ZNF682: variants seen among roughly 807,000 people sequenced by gnomAD.
ZNF682 encodes the protein zinc finger protein 682.
A neutral mutation model predicts 36.5 loss-of-function variants in ZNF682; 29 were observed. The ratio of observed to expected loss-of-function variants is 0.80; its 90% CI spans 0.59 to 1.08. ZNF682 has a LOEUF of 1.08. ZNF682 is among the 50% of genes least tolerant of loss of function. The pLI, the probability that ZNF682 is intolerant of heterozygous loss-of-function variation, is 0.00. For synonymous variants in ZNF682, 180 were observed against 197.0 expected (o/e 0.91, Z 0.72); for missense variants, 561 against 579.7 (o/e 0.97, Z 0.33).
intron 1 of ZNF682, among the ~76,000 whole-genome samples, chr19:20,036,689 G>A (rs1037704098): frequency 2.0e-5 from 3 of 151,180 alleles, no homozygotes; most frequent in East Asian, 1.9e-4. Flanking sequence ...TTTCTAGGCC[G>A]GGCATGGTGG....
At position 20,006,481 on chromosome 19, in the gene ZNF682, A is replaced by G. The variant is rs2088221342; in HGVS notation, c.1021T>C (p.Tyr341His). Residue 341 changes from tyrosine (Y) to histidine (H), a missense_variant, in exon 4 of 4, where the codon TAT (tyrosine) becomes CAT (histidine). Physicochemically the swap from Tyr to His is moderately conservative, Grantham distance 83. Transcript: ENST00000397165. ...HERTHTGEKP[Y>H]KCEECGKAFN... ...GCTTTGCCACATTCTTCACATTTAT[A>G]GGGTTTCTCTCCCGTATGGGTTCTC... 1 of 1,614,078 alleles carries G rather than the reference A, an allele frequency of 6.2e-7. No individual in the cohort carries two copies. Among genetic ancestry groups the G allele is most frequent in the Non-Finnish European group, 8.5e-7 (1 of 1,180,012 alleles).
At chr19:20,012,862 CAT>C (rs1201473782) in intron 3 of ZNF682, among the ~76,000 whole-genome samples, 2 of 146,804 alleles carry the variant, frequency 1.4e-5, no homozygotes, top group Non-Finnish European at 3.0e-5. Flanking sequence ...TCTCAAAAGA[CAT>C]AAAAGCAGCC....
chr19:20,006,298 A>G lies in ZNF682; in HGVS notation c.1204T>C (p.Cys402Arg), dbSNP rs773132670. 2.5e-6 allele frequency: 4 copies of G among 1,613,632 alleles called. No homozygotes were observed. Among genetic ancestry groups the G allele is most frequent in the Non-Finnish European group, 2.5e-6 (3 of 1,179,972 alleles). The change falls in exon 4 of 4, where the codon TGT (cysteine) becomes CGT (arginine). Residue 402 changes from cysteine (C) to arginine (R), a missense_variant. Cys to Arg is a radical substitution (Grantham distance 180). Transcript: ENST00000397165. ...GAGGACCAGTTAAAAGCTTTGCCACATTCTTCACATTTGTAGGGTTTCTCT... is the reference window on the plus strand; with the variant it reads ...GAGGACCAGTTAAAAGCTTTGCCACGTTCTTCACATTTGTAGGGTTTCTCT... ...TGEKPYKCEE[C>R]GKAFNWSSIL...
chr19:20,025,122 G>A (rs1433774386), intron 1 of ZNF682, among the ~76,000 whole-genome samples: 3 of 152,228 alleles, frequency 2.0e-5, no homozygotes, highest in East Asian at 3.9e-4. Flanking sequence ...CAAGGCATCC[G>A]AATCAAGAAT....
Position 20,006,841 on chromosome 19 carries a change from T to C in ZNF682, c.661A>G (p.Arg221Gly). The C allele has an allele frequency of 6.2e-7, 1 of 1,614,082 alleles. No individual in the cohort carries two copies. The change falls in exon 4 of 4, where the codon AGA (arginine) becomes GGA (glycine). Residue 221 changes from arginine to glycine, a missense_variant. Physicochemically the swap from Arg to Gly is moderately radical, Grantham distance 125. Transcript: ENST00000397165. ...KWFSYLTKHK[R>G]IHTGEKPYKC... is the part of the protein sequence containing the mutation. Reference sequence around the variant, plus strand: ...TATGGTTTCTCTCCAGTGTGAATTCTCTTATGTTTAGTAAGGTATGAGAAC... The same window carrying C: ...TATGGTTTCTCTCCAGTGTGAATTCCCTTATGTTTAGTAAGGTATGAGAAC...
At chr19:19,997,557 C>CT (rs1568533255) in intron 3 of ZNF682, among the ~76,000 whole-genome samples, 3 of 152,176 alleles carry the variant, frequency 2.0e-5, no homozygotes, top group South Asian at 2.1e-4. Context: ...TAACTGGACT[C>CT]TGAGTCTGAA....
chr19:19,995,256 G>T (rs572412574), downstream of ZNF682, among the ~76,000 whole-genome samples: 1 of 152,300 alleles, frequency 6.6e-6, no homozygotes, highest in Admixed American at 6.5e-5. Context: ...ATGGGAAGAG[G>T]AGAATGGAAA....
Position 20,006,109 on chromosome 19 carries a change from A to G in ZNF682, c.1393T>C (p.Cys465Arg). Reference protein sequence around the residue: ...CEECGKAFKRCSHLNEHKRVQ... With the variant: ...CEECGKAFKRRSHLNEHKRVQ... ...CTCTTATGTTCATTAAGATGTGAGC[A>G]CCGTTTAAAAGCTTTGCCACATTCT... The change falls in exon 4 of 4, where the codon TGC becomes CGC. Residue 465 changes from cysteine (C) to arginine (R), a missense_variant. Cys to Arg is a radical substitution (Grantham distance 180). Transcript: ENST00000397165. 3 of 1,614,080 alleles carry G rather than the reference A, an allele frequency of 1.9e-6. No homozygotes were observed. Among genetic ancestry groups the G allele is most frequent in the Non-Finnish European group, 2.5e-6 (3 of 1,179,992 alleles).
intron 1 of ZNF682, among the ~76,000 whole-genome samples, chr19:20,027,773 G>C (rs12975788): frequency 7.4e-5 from 7 of 93,974 alleles, no homozygotes; most frequent in African/African-American, 2.8e-4. Flanking sequence ...AAACAAAAAA[G>C]AAAAACAAAA....
At chr19:19,998,953 G>A (rs1001303747) in intron 3 of ZNF682, among the ~76,000 whole-genome samples, 2 of 152,090 alleles carry the variant, frequency 1.3e-5, no homozygotes, top group African/African-American at 4.8e-5. Flanking sequence ...ATATTTGCGT[G>A]AAAATTCTAA....
intron 1 of ZNF682, among the ~76,000 whole-genome samples, chr19:20,029,728 T>C (rs1365342355): frequency 6.6e-6 from 1 of 152,148 alleles, no homozygotes; most frequent in East Asian, 1.9e-4. Context: ...TGGGTTTATA[T>C]TTACTTTCTT....
downstream of ZNF682, among the ~76,000 whole-genome samples, chr19:20,002,092 T>C (rs2088171238): frequency 6.6e-6 from 1 of 152,066 alleles, no homozygotes; most frequent in Non-Finnish European, 1.5e-5. Flanking sequence ...TTATTATTTC[T>C]TTTTTATTTT....
intron 3 of ZNF682, among the ~76,000 whole-genome samples, chr19:20,017,318 A>C (rs1282476413): frequency 1.3e-5 from 2 of 152,118 alleles, no homozygotes; most frequent in Non-Finnish European, 2.9e-5. Context: ...TCTTTAGGGG[A>C]CTCATTTTAG....
intron 3 of ZNF682, among the ~76,000 whole-genome samples, chr19:20,019,910 C>T (rs2088368947): frequency 6.6e-6 from 1 of 151,950 alleles, no homozygotes; most frequent in Non-Finnish European, 1.5e-5. Context: ...CCCACAAATT[C>T]ATACAAACAA....
chr19:20,003,456 G>A (rs8102948), downstream of ZNF682, among the ~76,000 whole-genome samples: 31,608 of 151,678 alleles, frequency 0.21, 3,525 homozygotes, highest in African/African-American at 0.28. Flanking sequence ...TGTAATCCTA[G>A]CACTTTGGGA....
intron 3 of ZNF682, among the ~76,000 whole-genome samples, chr19:19,999,310 C>T (rs2088148924): frequency 6.6e-6 from 1 of 152,148 alleles, no homozygotes; most frequent in African/African-American, 2.4e-5. Context: ...GAATTTTTGT[C>T]CCCAAAGTGT....
chr19:20,008,699 G>A (rs915952317), intron 3 of ZNF682, among the ~76,000 whole-genome samples: 2 of 152,280 alleles, frequency 1.3e-5, no homozygotes, highest in South Asian at 4.1e-4. Flanking sequence ...CCTCCTTGGA[G>A]CAAAGGAATT....
Position 20,007,131 on chromosome 19 carries a change from T to G in ZNF682, c.371A>C (p.Lys124Thr), listed in dbSNP as rs1318405996. The part of the protein sequence containing the change: ...RKDGENVGEC[K>T]DQKEIYNGLN... ...TCCATTATAAATTTCTTTTTGATCC[T>G]TACACTCACCCACATTTTCCCCATC... The change falls in exon 4 of 4, where the codon AAG becomes ACG. Residue 124 changes from lysine (K) to threonine (T), a missense_variant. Physicochemically the swap from Lys to Thr is moderately conservative, Grantham distance 78. Coordinates refer to ENST00000397165, the MANE Select transcript of ZNF682 (RefSeq NM_033196.3). 1.2e-6 allele frequency: 2 copies of G among 1,613,534 alleles called. No homozygotes were observed. Among genetic ancestry groups the G allele is most frequent in the Non-Finnish European group, 1.7e-6 (2 of 1,180,002 alleles).
chr19:20,037,707 C>T (rs2088543609), intron 1 of ZNF682, among the ~76,000 whole-genome samples: 1 of 152,172 alleles, frequency 6.6e-6, no homozygotes, highest in Admixed American at 6.5e-5. Context: ...TGCACTGCCT[C>T]ACTGGGTTGG....
Sources: gnomAD v4.1 joint callset for allele counts (sites outside exome capture counted in the v4.1 genomes callset) on GRCh38, gnomAD v4.1.1 for gene constraint, MANE v1.5 for transcripts, NCBI Gene and HGNC (gene_info 2026-07-23, HGNC 2026-07-21) for gene names.